The following SLC35F1 variants were observed in gnomAD, a reference collection of about 807,000 sequenced individuals.
SLC35F1 encodes chromosome 6 open reading frame 169.
SLC35F1 carries 14 observed loss-of-function variants against 48.7 expected under a neutral mutation model. The ratio of observed to expected loss-of-function variants is 0.29; its 90% CI spans 0.19 to 0.45. The LOEUF (loss-of-function observed/expected upper bound fraction) is 0.45, where lower values mean the gene tolerates loss of function less well. Among genes scored for constraint, SLC35F1 ranks in the 20% least tolerant of loss-of-function variants. SLC35F1 has a pLI of 1.00. For synonymous variants in SLC35F1, 190 were observed against 202.2 expected (o/e 0.94, Z 0.51); for missense variants, 404 against 500.0 (o/e 0.81, Z 1.83).
intron 3 of SLC35F1, among the ~76,000 whole-genome samples, chr6:118,241,478 A>G (rs1187921264): frequency 2.0e-5 from 3 of 152,196 alleles, no homozygotes; most frequent in Admixed American, 6.5e-5. Flanking sequence ...AACCCTTCAC[A>G]TAGCTTTCCC....
At chr6:118,005,356 A>G (rs12214395) in intron 1 of SLC35F1, among the ~76,000 whole-genome samples, 28,451 of 152,138 alleles carry the variant, frequency 0.19, 3,183 homozygotes, top group East Asian at 0.3. Flanking sequence ...GTTTCTTTCA[A>G]TGAAACCACT....
At chr6:118,215,419 G>C (rs1323280870) in intron 2 of SLC35F1, among the ~76,000 whole-genome samples, 1 of 151,912 alleles carries the variant, frequency 6.6e-6, no homozygotes. Flanking sequence ...TGTATTAAAG[G>C]TTATTTGCCT....
At chr6:118,181,031 A>G (rs983022296) in intron 2 of SLC35F1, among the ~76,000 whole-genome samples, 9 of 152,144 alleles carry the variant, frequency 5.9e-5, no homozygotes, top group Admixed American at 2.0e-4. Context: ...AATAATACCA[A>G]CAAAACCTAC....
At position 117,962,720 on chromosome 6, in the gene SLC35F1, TG is replaced by T. The variant is rs558811070; in HGVS notation, c.173+54826del. Reference sequence around the variant, plus strand: ...TCAGCTGCAAGACTTAGGGTACTCCTGGGGGATCAAAGAAGAAAGTGTCTTC... The same window carrying T: ...TCAGCTGCAAGACTTAGGGTACTCCTGGGGATCAAAGAAGAAAGTGTCTTC... On this transcript the variant is annotated intron_variant, in intron 1 of 7. Coordinates refer to ENST00000360388, the MANE Select transcript of SLC35F1 (RefSeq NM_001029858.4). Among the ~76,000 whole-genome samples the T allele has an allele frequency of 3.0e-4, 45 of 152,298 alleles. No homozygotes were observed. In the East Asian group the frequency reaches 8.5e-3, roughly 29 times the overall value.
intron 1 of SLC35F1, among the ~76,000 whole-genome samples, chr6:118,127,801 T>C (rs975309920): frequency 1.4e-4 from 21 of 151,566 alleles, no homozygotes; most frequent in African/African-American, 4.6e-4. Flanking sequence ...AAAGCCAAAA[T>C]TGACAAATGG....
At chr6:118,109,413 C>A (rs558836339) in intron 1 of SLC35F1, among the ~76,000 whole-genome samples, 2 of 152,164 alleles carry the variant, frequency 1.3e-5, no homozygotes, top group Non-Finnish European at 2.9e-5. Flanking sequence ...TGCCTTTATT[C>A]TTTCCCATGC....
At chr6:118,063,308 A>C (rs1013245808) in intron 1 of SLC35F1, among the ~76,000 whole-genome samples, 14 of 152,042 alleles carry the variant, frequency 9.2e-5, no homozygotes, top group African/African-American at 3.4e-4. Flanking sequence ...GCAAGATTTT[A>C]TTTCTTTCTT....
At chr6:118,033,343 G>A (rs1243394664) in intron 1 of SLC35F1, among the ~76,000 whole-genome samples, 1 of 152,084 alleles carries the variant, frequency 6.6e-6, no homozygotes, top group Admixed American at 6.5e-5. Flanking sequence ...GTAAATGTTA[G>A]CTAATGCTTT....
intron 1 of SLC35F1, among the ~76,000 whole-genome samples, chr6:118,130,631 C>T (rs1773696735): frequency 6.6e-6 from 1 of 152,052 alleles, no homozygotes; most frequent in South Asian, 2.1e-4. Flanking sequence ...AATCACATTA[C>T]ACAATGCCAA....
chr6:118,070,406 G>A (rs1275583822), intron 1 of SLC35F1, among the ~76,000 whole-genome samples: 2 of 152,062 alleles, frequency 1.3e-5, no homozygotes, highest in Admixed American at 1.3e-4. Flanking sequence ...TCAAGGAGCC[G>A]AAGTCTGCTT....
chr6:118,096,404 T>C (rs1447670167), intron 1 of SLC35F1, among the ~76,000 whole-genome samples: 1 of 152,174 alleles, frequency 6.6e-6, no homozygotes, highest in African/African-American at 2.4e-5. Context: ...TTCGTAGACA[T>C]ACTGACCCTT....
At chr6:118,030,363 C>T (rs1216582711) in intron 1 of SLC35F1, among the ~76,000 whole-genome samples, 1 of 152,162 alleles carries the variant, frequency 6.6e-6, no homozygotes, top group Non-Finnish European at 1.5e-5. Flanking sequence ...TCAGTGACAG[C>T]ACATTATCAT....
chr6:118,259,486 C>A (rs1775686087), intron 3 of SLC35F1, among the ~76,000 whole-genome samples: 2 of 151,742 alleles, frequency 1.3e-5, no homozygotes, highest in Non-Finnish European at 2.9e-5. Flanking sequence ...CAAATAAAAT[C>A]ATCAAAAATA....
At chr6:117,999,250 G>A (rs1777048732) in intron 1 of SLC35F1, 2 of 1,596,456 alleles carry the variant, frequency 1.3e-6, no homozygotes, top group East Asian at 4.5e-5. Flanking sequence ...TCAGCTGCAA[G>A]CTCGATCGAC....
chr6:118,240,166 G>T (rs779629177), intron 3 of SLC35F1, among the ~76,000 whole-genome samples: 3 of 152,220 alleles, frequency 2.0e-5, no homozygotes, highest in Non-Finnish European at 4.4e-5. Context: ...CCCTATGGGA[G>T]CTTATGAACT....
At chr6:118,172,793 C>G (rs1053170837) in intron 2 of SLC35F1, among the ~76,000 whole-genome samples, 1 of 152,066 alleles carries the variant, frequency 6.6e-6, no homozygotes, top group African/African-American at 2.4e-5. Flanking sequence ...GAGTCAGTAT[C>G]CAAGTGTATG....
At chr6:117,996,999 C>T (rs1468390813) in intron 1 of SLC35F1, among the ~76,000 whole-genome samples, 1 of 152,036 alleles carries the variant, frequency 6.6e-6, no homozygotes, top group Admixed American at 6.6e-5. Context: ...AAATTCAAAC[C>T]AAAGGCAAAG....
At chr6:118,294,535 A>G (rs748446901) in intron 7 of SLC35F1, among the ~76,000 whole-genome samples, 4 of 152,220 alleles carry the variant, frequency 2.6e-5, no homozygotes, top group East Asian at 1.9e-4. Context: ...AAGGCTTAAT[A>G]TTGCCACAAA....
At chr6:118,203,119 A>G (rs1265661293) in intron 2 of SLC35F1, among the ~76,000 whole-genome samples, 1 of 152,238 alleles carries the variant, frequency 6.6e-6, no homozygotes, top group Non-Finnish European at 1.5e-5. Flanking sequence ...GTCAAGATCT[A>G]ATGACTGAGT....
Sources: gnomAD v4.1 joint callset for allele counts (sites outside exome capture counted in the v4.1 genomes callset) on GRCh38, gnomAD v4.1.1 for gene constraint, MANE v1.5 for transcripts, NCBI Gene and HGNC (gene_info 2026-07-23, HGNC 2026-07-21) for gene names.